The following CLOCK variants were observed in gnomAD, a reference collection of about 807,000 sequenced individuals.
CLOCK encodes the protein circadian locomoter output cycles protein kaput.
Under a neutral mutation model 118.4 loss-of-function variants are expected in CLOCK, and 43 were observed. That is an observed-to-expected ratio of 0.36 (90% confidence interval 0.28 to 0.47). CLOCK has a LOEUF of 0.47. Ranked by LOEUF, CLOCK falls within the 20% of genes least tolerant of loss-of-function variation. The pLI is 1.00. For synonymous variants in CLOCK, 326 were observed against 339.2 expected, an observed-to-expected ratio of 0.96 and a Z score of 0.43; for missense variants, 846 against 999.9, an observed-to-expected ratio of 0.85 and a Z score of 2.08.
chr4:55,469,729 G>A (rs1577738051), intron 8 of CLOCK, among the ~76,000 whole-genome samples: 1 of 152,058 alleles, frequency 6.6e-6, no homozygotes, highest in East Asian at 1.9e-4. Context: ...TGTTTCTGAG[G>A]CAGGGTCTTG....
At position 55,434,906 on chromosome 4, in the gene CLOCK, G is replaced by C. The variant is rs1722760602; in HGVS notation, c.*509C>G. ...AGAATTTGAACCCACACAACATTCT[G>C]AAAGTAATTACTGTTCCATCATTAT... On this transcript the variant is annotated 3_prime_UTR_variant, in exon 23 of 23. Coordinates refer to ENST00000513440, the MANE Select transcript of CLOCK (RefSeq NM_004898.4). 4.0e-5 allele frequency: 7 copies of C among 175,126 alleles called. No individual in the cohort carries two copies. The highest frequency in any genetic ancestry group is 3.8e-4 in the Admixed American group (7 of 18,228). The allele number at this position is 175,126 out of a possible 1,614,324, so 10.8% of individuals were successfully genotyped here. A position where few individuals can be genotyped will look rare whatever the true frequency, so the allele number is the denominator to read the frequency against.
chr4:55,435,835 T>C (rs543332775), intron 22 of CLOCK, among the ~76,000 whole-genome samples: 1 of 152,384 alleles, frequency 6.6e-6, no homozygotes, highest in South Asian at 2.1e-4. Flanking sequence ...TTTTATGGTA[T>C]AGAAAGCAAT....
chr4:55,467,886 A>C (rs1167535973), intron 8 of CLOCK, among the ~76,000 whole-genome samples: 1 of 152,194 alleles, frequency 6.6e-6, no homozygotes, highest in Non-Finnish European at 1.5e-5. Context: ...AGAGCAGTAA[A>C]GTCAAAGTTA....
intron 3 of CLOCK, among the ~76,000 whole-genome samples, chr4:55,487,973 T>G (rs1406697907): frequency 6.6e-6 from 1 of 152,180 alleles, no homozygotes; most frequent in South Asian, 2.1e-4. Flanking sequence ...AAATAAAATT[T>G]AATTGTATTG....
chr4:55,495,286 C>T (rs1353493163), intron 2 of CLOCK, among the ~76,000 whole-genome samples: 1 of 152,168 alleles, frequency 6.6e-6, no homozygotes, highest in Non-Finnish European at 1.5e-5. Context: ...GTTAAAATAT[C>T]CTATTTCCTC....
In CLOCK at chr4:55,442,772, T is replaced by C. The variant is rs560509013; in HGVS notation, c.1903-138A>G. 6.6e-5 allele frequency: 52 copies of C among 790,254 alleles called. 2 individuals carry two copies. The South Asian group carries it at 7.7e-4, about 12-fold the overall frequency. The allele number at this position is 790,254 out of a possible 1,614,324, so 49.0% of individuals were successfully genotyped here. On this transcript the variant is annotated intron_variant, in intron 20 of 22. Transcript: ENST00000513440. ...AGGATATATTACTCTGGGGGAAATATAACCACAAAGGAATGACTCGTGGTA... is the reference window on the plus strand; with the variant it reads ...AGGATATATTACTCTGGGGGAAATACAACCACAAAGGAATGACTCGTGGTA...
rs1722521913 is a variant in CLOCK, at chr4:55,431,789, A to G, written c.*3626T>C. 6.6e-6 allele frequency: 1 copy of G among 152,236 alleles called. No homozygotes were observed. 9.4% of individuals were successfully genotyped at this position (152,236 alleles called of 1,614,324 possible). A position where few individuals can be genotyped will look rare whatever the true frequency, so the allele number is the denominator to read the frequency against. On this transcript the variant is annotated 3_prime_UTR_variant, in exon 23 of 23. Transcript: ENST00000513440. Reference sequence around the variant, plus strand: ...AAGTTTGCCTCAATGTAGTGGAAACATCTGAAAACATGTTGAGTAATATCC... The same window carrying G: ...AAGTTTGCCTCAATGTAGTGGAAACGTCTGAAAACATGTTGAGTAATATCC...
At chr4:55,505,913 A>G (rs1414232092) in intron 2 of CLOCK, among the ~76,000 whole-genome samples, 1 of 151,816 alleles carries the variant, frequency 6.6e-6, no homozygotes, top group Non-Finnish European at 1.5e-5. Flanking sequence ...GAACCATTTG[A>G]AAGTAAAATG....
rs368035956 is a variant in CLOCK, at chr4:55,451,443, G to A, written c.1207-1211C>T. On this transcript the variant is annotated intron_variant, in intron 15 of 22. Coordinates refer to ENST00000513440, the MANE Select transcript of CLOCK (RefSeq NM_004898.4). The stretch of plus-strand genomic sequence containing the variant: ...GTCTCCATCACCTCTTAATATTGGA[G>A]TGCTCCAAGACACACCCATCCCTTT... Among the ~76,000 whole-genome samples, 3 of 152,224 alleles carry A rather than the reference G, an allele frequency of 2.0e-5. No individual in the cohort carries two copies. In the East Asian group the frequency reaches 5.8e-4, roughly 29 times the overall value.
chr4:55,543,879 T>C (rs560303539), intron 1 of CLOCK, among the ~76,000 whole-genome samples: 1 of 152,272 alleles, frequency 6.6e-6, no homozygotes, highest in South Asian at 2.1e-4. Context: ...AGAAGTCTAT[T>C]AGAAAAACCT....
At chr4:55,468,875 T>C (rs1332194712) in intron 8 of CLOCK, among the ~76,000 whole-genome samples, 2 of 152,176 alleles carry the variant, frequency 1.3e-5, no homozygotes, top group African/African-American at 2.4e-5. Context: ...GGCCCTAAGA[T>C]TACAGTGGAG....
At chr4:55,446,307 T>C (rs1487181563) in intron 18 of CLOCK, among the ~76,000 whole-genome samples, 1 of 151,982 alleles carries the variant, frequency 6.6e-6, no homozygotes, top group Non-Finnish European at 1.5e-5. Flanking sequence ...TAGTCTGTTG[T>C]AGAACTCCTG....
chr4:55,545,534 A>T (rs549241581), intron 1 of CLOCK: 27 of 152,216 alleles, frequency 1.8e-4, no homozygotes, highest in East Asian at 9.7e-4. Context: ...CACTGTAAAA[A>T]TTTTTTTATT....
chr4:55,453,426 A>G (rs191331720), intron 14 of CLOCK: 3 of 484,014 alleles, frequency 6.2e-6, no homozygotes, highest in South Asian at 3.9e-5. Context: ...CATGACTGAC[A>G]TTACTACATA....
intron 1 of CLOCK, among the ~76,000 whole-genome samples, chr4:55,541,479 G>A (rs1046042407): frequency 6.6e-6 from 1 of 152,178 alleles, no homozygotes. Flanking sequence ...TTTAGCTACA[G>A]TGCAGAACTT....
intron 12 of CLOCK, 68 bp downstream of exon 12, chr4:55,456,150 G>T: frequency 7.2e-7 from 1 of 1,379,732 alleles, no homozygotes; most frequent in South Asian, 1.3e-5. Context: ...GTTTGCCCTT[G>T]ATCCATTAAT....
At chr4:55,523,076 G>A (rs1485170931) in intron 1 of CLOCK, among the ~76,000 whole-genome samples, 6 of 151,890 alleles carry the variant, frequency 4.0e-5, no homozygotes, top group African/African-American at 7.3e-5. Context: ...CGGGCGGATC[G>A]CGAGGTCAGG....
rs1253808976 is a variant in CLOCK, at chr4:55,434,203, C to T, written c.*1212G>A. 1 of 152,564 alleles carries T rather than the reference C, an allele frequency of 6.6e-6. No homozygotes were observed. Among genetic ancestry groups the T allele is most frequent in the East Asian group, 1.9e-4 (1 of 5,192 alleles). The allele number at this position is 152,564 out of a possible 1,614,324, so 9.5% of individuals were successfully genotyped here. A position where few individuals can be genotyped will look rare whatever the true frequency, so the allele number is the denominator to read the frequency against. On this transcript the variant is annotated 3_prime_UTR_variant, in exon 23 of 23. Coordinates refer to ENST00000513440, the MANE Select transcript of CLOCK (RefSeq NM_004898.4). ...GGTGAGTTATCACCTGAATTAAAAT[C>T]AAGGCACTATGGGGTTTTTTCCCCT...
At chr4:55,462,628 A>G (rs1725425857) in intron 9 of CLOCK, among the ~76,000 whole-genome samples, 1 of 152,172 alleles carries the variant, frequency 6.6e-6, no homozygotes, top group African/African-American at 2.4e-5. Context: ...ATTTACCTCA[A>G]GCAATCCATT....
Sources: allele counts gnomAD v4.1 joint callset (sites outside exome capture counted in the v4.1 genomes callset), GRCh38; gene constraint gnomAD v4.1.1; transcripts MANE v1.5; gene names NCBI Gene and HGNC (gene_info 2026-07-23, HGNC 2026-07-21).